The following RIPK2 variants were observed in gnomAD, a reference collection of about 807,000 sequenced individuals.
RIPK2 encodes receptor-interacting serine/threonine-protein kinase 2.
RIPK2 carries 38 observed loss-of-function variants against 60.9 expected under a neutral mutation model. The ratio of observed to expected loss-of-function variants is 0.62; its 90% CI spans 0.48 to 0.82. RIPK2 has a LOEUF of 0.82. Ranked by LOEUF, RIPK2 falls within the 40% of genes least tolerant of loss-of-function variation. The pLI, the probability that RIPK2 is intolerant of heterozygous loss-of-function variation, is 0.00. For synonymous variants in RIPK2, 225 were observed against 223.4 expected, an observed-to-expected ratio of 1.01 and a Z score of -0.06; for missense variants, 518 against 647.0, an observed-to-expected ratio of 0.80 and a Z score of 2.16.
At chr8:89,765,576 C>A in intron 3 of RIPK2, 80 bp downstream of exon 3, 3 of 853,602 alleles carry the variant, frequency 3.5e-6, no homozygotes, top group East Asian at 2.6e-5. Context: ...TTCGACCTAG[C>A]CAATTTCATG....
chr8:89,784,079 A>G lies in RIPK2; in HGVS notation c.969A>G (p.Leu323=), dbSNP rs1159608149. The change falls in exon 8 of 11, where the codon CTA becomes CTG. Residue 323 remains leucine, a synonymous_variant. Transcript: ENST00000220751. The part of the protein sequence containing the change: ...KLQSVSSAIH[L]CDKKKMELSL... ...AGAGTGTTTCAAGTGCCATTCACCT[A>G]TGTGACAAGAAGAAAATGGAATTAT... 6.3e-6 allele frequency: 10 copies of G among 1,580,726 alleles called. No individual in the cohort carries two copies. Among genetic ancestry groups the G allele is most frequent in the South Asian group, 1.1e-5 (1 of 88,346 alleles).
chr8:89,787,678 C>T (rs1244082970), intron 9 of RIPK2, among the ~76,000 whole-genome samples: 1 of 152,174 alleles, frequency 6.6e-6, no homozygotes. Context: ...TAACTTTCAG[C>T]TGAACTATTT....
chr8:89,777,067 G>T (rs1397147045), intron 6 of RIPK2, among the ~76,000 whole-genome samples: 4 of 152,132 alleles, frequency 2.6e-5, no homozygotes, highest in African/African-American at 9.7e-5. Context: ...TGACAGTGTG[G>T]GTAGACCAAG....
intron 7 of RIPK2, among the ~76,000 whole-genome samples, chr8:89,781,071 A>G (rs932691878): frequency 8.6e-5 from 13 of 151,788 alleles, no homozygotes; most frequent in Non-Finnish European, 1.6e-4. Flanking sequence ...GTTTCATTAA[A>G]TTGTACTTAA....
chr8:89,762,678 T>C (rs1405928872), intron 1 of RIPK2, 151 bp from the exon 2 acceptor site: 4 of 426,556 alleles, frequency 9.4e-6, no homozygotes, highest in African/African-American at 6.1e-5. Flanking sequence ...ATTTCTATTT[T>C]AAATATGATG....
At chr8:89,779,309 G>GGTTT (rs1337617643) in intron 6 of RIPK2, among the ~76,000 whole-genome samples, 1 of 54,094 alleles carries the variant, frequency 1.8e-5, no homozygotes, top group Admixed American at 1.9e-4. Context: ...GCGGTTTTTG[G>GGTTT]GTTTTTTTTT....
At chr8:89,780,940 A>AG (rs200859919) in intron 7 of RIPK2, among the ~76,000 whole-genome samples, 1 of 148,850 alleles carries the variant, frequency 6.7e-6, no homozygotes, top group Non-Finnish European at 1.5e-5. Flanking sequence ...CTATTACTGC[A>AG]GGGGTTTTTT....
rs1020762806 is a variant in RIPK2, at chr8:89,768,907, T to C, written c.484-865T>C. Among the ~76,000 whole-genome samples, 47 of 151,904 alleles carry C rather than the reference T, an allele frequency of 3.1e-4. No homozygotes were observed. In the East Asian group the frequency reaches 7.5e-3, roughly 24 times the overall value. ...GTGCTGCATGGAGCTCATTTCACTCTGCTGAATTCTAAAGTATGCAGTAAA... is the reference window on the plus strand; with the variant it reads ...GTGCTGCATGGAGCTCATTTCACTCCGCTGAATTCTAAAGTATGCAGTAAA... On this transcript the variant is annotated intron_variant, in intron 3 of 10. Transcript: ENST00000220751.
At position 89,784,146 on chromosome 8, in the gene RIPK2, A is replaced by C; in HGVS notation, c.1029+7A>C. The C allele has an allele frequency of 1.2e-6, 1 of 818,108 alleles. No individual in the cohort carries two copies. The highest frequency in any genetic ancestry group is 1.8e-6 in the Non-Finnish European group (1 of 561,004). 50.7% of individuals were successfully genotyped at this position (818,108 alleles called of 1,614,324 possible). A position where few individuals can be genotyped will look rare whatever the true frequency, so the allele number is the denominator to read the frequency against. On this transcript the variant is annotated splice_region_variant and intron_variant, in intron 8 of 10. Coordinates refer to ENST00000220751, the MANE Select transcript of RIPK2 (RefSeq NM_003821.6). Reference sequence around the variant, plus strand: ...AAATCATGGTCCACAAGAGGTAAAAAAAAAAAAAAAAAAAAAAAGGTTATA... The same window carrying C: ...AAATCATGGTCCACAAGAGGTAAAACAAAAAAAAAAAAAAAAAAGGTTATA...
At chr8:89,769,725 C>T (rs40377) in intron 3 of RIPK2, 47 bp from the exon 4 acceptor site, 813,068 of 1,411,496 alleles carry the variant, frequency 0.58, 237,582 homozygotes, top group African/African-American at 0.7. Flanking sequence ...GACTTTTGGA[C>T]TTTTTAAAGA....
intron 10 of RIPK2, among the ~76,000 whole-genome samples, chr8:89,789,711 T>C (rs1212245765): frequency 6.6e-6 from 1 of 152,214 alleles, no homozygotes; most frequent in African/African-American, 2.4e-5. Flanking sequence ...TATTAACATA[T>C]TACTAATGGT....
At position 89,757,997 on chromosome 8, in the gene RIPK2, G is replaced by GTGGGAGCCT; in HGVS notation, c.-55_-47dup. On this transcript the variant is annotated 5_prime_UTR_variant, in exon 1 of 11. Transcript: ENST00000220751. ...GCGTATCTGGGCGCCTGAGCGCGGC[G>GTGGGAGCCT]TGGGAGCCTTGGGAGCCGCCGCAGC... The GTGGGAGCCT allele has an allele frequency of 6.8e-7, 1 of 1,470,050 alleles. No individual in the cohort carries two copies. The highest frequency in any genetic ancestry group is 9.0e-7 in the Non-Finnish European group (1 of 1,107,344). 91.1% of individuals were successfully genotyped at this position (1,470,050 alleles called of 1,614,324 possible).
chr8:89,761,794 G>C lies in RIPK2; in HGVS notation c.174-1035G>C, dbSNP rs145421559. On this transcript the variant is annotated intron_variant, in intron 1 of 10. Coordinates refer to ENST00000220751, the MANE Select transcript of RIPK2 (RefSeq NM_003821.6). The stretch of plus-strand genomic sequence containing the variant: ...GTCAATCACTTAGTGACTGCTAAGT[G>C]AAGTTTCACCACCCTAACCAGGCTT... 1.1e-4 allele frequency among the ~76,000 whole-genome samples: 16 copies of C among 152,100 alleles called. No individual in the cohort carries two copies. The East Asian group carries it at 3.1e-3, about 29-fold the overall frequency.
intron 8 of RIPK2, 82 bp from the exon 9 acceptor site, chr8:89,786,511 T>A: frequency 2.4e-6 from 2 of 842,346 alleles, no homozygotes; most frequent in Non-Finnish European, 1.9e-6. Flanking sequence ...TCATTTGTGA[T>A]AAGCCACAAA....
intron 8 of RIPK2, among the ~76,000 whole-genome samples, chr8:89,784,598 T>C (rs553255344): frequency 3.1e-4 from 47 of 152,340 alleles, no homozygotes; most frequent in Non-Finnish European, 5.6e-4. Flanking sequence ...AATGTATATG[T>C]ATGTTCATTT....
At chr8:89,780,943 G>GT (rs1421184668) in intron 7 of RIPK2, among the ~76,000 whole-genome samples, 3 of 149,612 alleles carry the variant, frequency 2.0e-5, no homozygotes, top group African/African-American at 7.5e-5. Flanking sequence ...TTACTGCAGG[G>GT]GTTTTTTTTT....
At chr8:89,772,498 C>T (rs545660494) in intron 5 of RIPK2, among the ~76,000 whole-genome samples, 169 bp from the exon 6 acceptor site, 3 of 152,082 alleles carry the variant, frequency 2.0e-5, no homozygotes, top group Non-Finnish European at 4.4e-5. Context: ...AGGAATCAGA[C>T]AAGTCTGGCA....
rs1374289085 is a variant in RIPK2, at chr8:89,765,347, G to A, written c.334G>A (p.Glu112Lys). Residue 112 changes from glutamate to lysine, a missense_variant, in exon 3 of 11, where the codon GAA becomes AAA. Glu to Lys is a moderately conservative substitution (Grantham distance 56). Coordinates refer to ENST00000220751, the MANE Select transcript of RIPK2 (RefSeq NM_003821.6). ...SLNELLHRKT[E>K]YPDVAWPLRF... ...TTTTCACATATATATGAAGAAAACTGAATATCCTGATGTTGCTTGGCCATT... is the reference window on the plus strand; with the variant it reads ...TTTTCACATATATATGAAGAAAACTAAATATCCTGATGTTGCTTGGCCATT... 1 of 1,603,748 alleles carries A rather than the reference G, an allele frequency of 6.2e-7. No homozygotes were observed. The highest frequency in any genetic ancestry group is 1.7e-5 in the Admixed American group (1 of 58,724).
rs545999490 is a variant in RIPK2, at chr8:89,777,170, G to T, written c.854-2905G>T. ...TCAGAGGGTTCCTCTCAAGTATTCA[G>T]TGGAGCACTGATCAGTACAGGGTGA... On this transcript the variant is annotated intron_variant, in intron 6 of 10. Transcript: ENST00000220751. Among the ~76,000 whole-genome samples, 3 of 152,360 alleles carry T rather than the reference G, an allele frequency of 2.0e-5. No individual in the cohort carries two copies. In the East Asian group the frequency reaches 5.8e-4, roughly 29 times the overall value.
Sources: allele counts gnomAD v4.1 joint callset (sites outside exome capture counted in the v4.1 genomes callset), GRCh38; gene constraint gnomAD v4.1.1; transcripts MANE v1.5; gene names NCBI Gene and HGNC (gene_info 2026-07-23, HGNC 2026-07-21).